The following PSD3 variants were observed in gnomAD, a reference collection of about 807,000 sequenced individuals.
PSD3 encodes the protein PH and SEC7 domain-containing protein 3.
PSD3 carries 49 observed loss-of-function variants against 105.5 expected under a neutral mutation model. The observed-to-expected ratio is 0.46, with a 90% CI of 0.37 to 0.59. The LOEUF is 0.59. PSD3 is among the 20% of genes least tolerant of loss of function. The probability of loss-of-function intolerance (pLI) is 0.00; values close to 1 mark genes in which losing one functional copy is unlikely to be tolerated. For missense variants in PSD3, 1,561 were observed against 1,263.8 expected (o/e 1.24, Z -3.57); for synonymous variants, 557 against 457.8 (o/e 1.22, Z -2.77).
intron 1 of PSD3, among the ~76,000 whole-genome samples, chr8:19,078,456 A>G (rs1369524875): frequency 6.6e-6 from 1 of 152,152 alleles, no homozygotes; most frequent in Non-Finnish European, 1.5e-5. Flanking sequence ...CTCAGATAGA[A>G]TACTTAAACA....
chr8:19,013,271 C>A (rs1195071296), intron 1 of PSD3, among the ~76,000 whole-genome samples: 3 of 151,982 alleles, frequency 2.0e-5, no homozygotes, highest in African/African-American at 7.3e-5. Context: ...GGTCCTCTTT[C>A]ATGTTGCCTT....
intron 1 of PSD3, among the ~76,000 whole-genome samples, chr8:19,050,459 G>A (rs1828488384): frequency 6.6e-6 from 1 of 152,082 alleles, no homozygotes. Flanking sequence ...ATGATAGACT[G>A]GATTAAGAAA....
chr8:18,846,308 G>C (rs370401399), intron 4 of PSD3, among the ~76,000 whole-genome samples: 2 of 152,198 alleles, frequency 1.3e-5, no homozygotes, highest in African/African-American at 2.4e-5. Flanking sequence ...GGCACAAGTA[G>C]GCCCTTCAAC....
chr8:18,667,897 C>T (rs1040793619), intron 9 of PSD3, among the ~76,000 whole-genome samples: 1 of 152,230 alleles, frequency 6.6e-6, no homozygotes, highest in Admixed American at 6.5e-5. Flanking sequence ...CTGGGGGACC[C>T]GGTGCACCCT....
chr8:18,923,452 G>C (rs951779864), intron 2 of PSD3, among the ~76,000 whole-genome samples: 2 of 152,340 alleles, frequency 1.3e-5, no homozygotes, highest in Admixed American at 1.3e-4. Flanking sequence ...ATATAGTCAT[G>C]TGCCACATAA....
chr8:18,566,473 C>G (rs1801759411), intron 14 of PSD3, among the ~76,000 whole-genome samples: 2 of 149,918 alleles, frequency 1.3e-5, no homozygotes, highest in South Asian at 4.2e-4. Flanking sequence ...TTGCAGTGAG[C>G]CGAGATCAAG....
chr8:18,654,861 G>C (rs1045609946), intron 10 of PSD3, among the ~76,000 whole-genome samples: 2 of 152,070 alleles, frequency 1.3e-5, no homozygotes, highest in African/African-American at 4.8e-5. Flanking sequence ...GTATCTATCA[G>C]TGTCCTAGTA....
At chr8:18,609,126 T>C (rs1200485956) in intron 11 of PSD3, among the ~76,000 whole-genome samples, 2 of 151,966 alleles carry the variant, frequency 1.3e-5, no homozygotes, top group Non-Finnish European at 2.9e-5. Flanking sequence ...CTGTCTGTTG[T>C]CTTGAAAATA....
At chr8:19,057,514 A>G (rs961366388) in intron 1 of PSD3, among the ~76,000 whole-genome samples, 2 of 152,230 alleles carry the variant, frequency 1.3e-5, no homozygotes, top group African/African-American at 4.8e-5. Flanking sequence ...TAGTTTGGCT[A>G]TACCAGTTGT....
chr8:18,891,348 G>C (rs999411771), intron 2 of PSD3, among the ~76,000 whole-genome samples: 1 of 151,868 alleles, frequency 6.6e-6, no homozygotes, highest in Non-Finnish European at 1.5e-5. Flanking sequence ...AAATAAATGC[G>C]TTTTCGTTCG....
chr8:19,069,915 C>T (rs1188734278), intron 1 of PSD3, among the ~76,000 whole-genome samples: 3 of 151,610 alleles, frequency 2.0e-5, no homozygotes, highest in East Asian at 1.9e-4. Flanking sequence ...GGCAGTTCTG[C>T]ACAAACTCTC....
At chr8:18,863,689 C>A (rs1816621532) in intron 4 of PSD3, among the ~76,000 whole-genome samples, 1 of 152,138 alleles carries the variant, frequency 6.6e-6, no homozygotes, top group Non-Finnish European at 1.5e-5. Flanking sequence ...GGCTTTTCAC[C>A]TTACACAGAG....
intron 12 of PSD3, among the ~76,000 whole-genome samples, chr8:18,593,933 T>A (rs1485893690): frequency 8.9e-6 from 1 of 112,614 alleles, no homozygotes; most frequent in East Asian, 2.8e-4. Context: ...ATGAGAACAC[T>A]TGGACACAGG....
intron 8 of PSD3, among the ~76,000 whole-genome samples, chr8:18,779,851 A>T (rs76308784): frequency 6.6e-6 from 1 of 152,314 alleles, no homozygotes; most frequent in Admixed American, 6.5e-5. Context: ...TATAACAAAT[A>T]GTCTAGCCTC....
chr8:18,791,354 C>CA (rs1355920503), intron 8 of PSD3, among the ~76,000 whole-genome samples: 1 of 152,106 alleles, frequency 6.6e-6, no homozygotes. Flanking sequence ...GTAACCCAAA[C>CA]AACATGGTAC....
chr8:18,563,315 C>A (rs369796125), intron 14 of PSD3, among the ~76,000 whole-genome samples: 1 of 152,022 alleles, frequency 6.6e-6, no homozygotes, highest in South Asian at 2.1e-4. Context: ...TATACAGGAT[C>A]TTCGGTAAAC....
intron 4 of PSD3, among the ~76,000 whole-genome samples, chr8:18,838,940 T>A (rs1814383760): frequency 6.6e-6 from 1 of 151,852 alleles, no homozygotes; most frequent in Non-Finnish European, 1.5e-5. Context: ...TGTTTCTCAA[T>A]CATCTTAATT....
chr8:18,572,410 A>T, intron 14 of PSD3, 118 bp downstream of exon 14: 10 of 1,255,432 alleles, frequency 8.0e-6, no homozygotes, highest in Non-Finnish European at 1.0e-5. Context: ...ATACGCTCTC[A>T]CAGGGCAAGG....
intron 15 of PSD3, among the ~76,000 whole-genome samples, chr8:18,537,378 T>A (rs566964261): frequency 6.9e-4 from 105 of 152,326 alleles, no homozygotes; most frequent in Admixed American, 1.5e-3. Flanking sequence ...ATTACCTCCA[T>A]TGATATGAAA....
Sources: allele counts gnomAD v4.1 joint callset (sites outside exome capture counted in the v4.1 genomes callset), GRCh38; gene constraint gnomAD v4.1.1; transcripts MANE v1.5; gene names NCBI Gene and HGNC (gene_info 2026-07-23, HGNC 2026-07-21).